The following HEATR5B variants were observed in gnomAD, a reference collection of about 807,000 sequenced individuals.
HEATR5B encodes HEAT repeat containing 5B.
Under a neutral mutation model 224.1 loss-of-function variants are expected in HEATR5B, and 156 were observed. The observed-to-expected ratio is 0.70, with a 90% CI of 0.61 to 0.80. The LOEUF (loss-of-function observed/expected upper bound fraction) is 0.80. Ranked by LOEUF, HEATR5B falls within the 30% of genes least tolerant of loss-of-function variation. HEATR5B has a pLI of 0.00. For synonymous variants in HEATR5B, 1,027 were observed against 893.0 expected (o/e 1.15, Z -2.68); for missense variants, 2,323 against 2,535.5 (o/e 0.92, Z 1.80).
chr2:37,061,836 A>G (rs1021086713), intron 11 of HEATR5B, 103 bp downstream of exon 11: 23 of 657,422 alleles, frequency 3.5e-5, no homozygotes, highest in Middle Eastern at 2.6e-4. Context: ...TACAACTTCA[A>G]TGAAAATCCA....
At chr2:36,998,999 G>A (rs1322128921) in intron 33 of HEATR5B, among the ~76,000 whole-genome samples, 10 of 152,164 alleles carry the variant, frequency 6.6e-5, no homozygotes, top group African/African-American at 9.7e-5. Flanking sequence ...AGGATCACGA[G>A]GTCAGGAGTT....
intron 5 of HEATR5B, among the ~76,000 whole-genome samples, chr2:37,074,765 A>C (rs1177868059): frequency 6.6e-6 from 1 of 152,262 alleles, no homozygotes; most frequent in Admixed American, 6.5e-5. Context: ...TTCGAAGAAG[A>C]TATGGATGGC....
intron 12 of HEATR5B, among the ~76,000 whole-genome samples, chr2:37,059,483 T>TTTTTTA (rs1671141765): frequency 7.2e-6 from 1 of 138,886 alleles, no homozygotes. Flanking sequence ...TTTTTTTTTT[T>TTTTTTA]GAGAGAGTCT....
Position 37,037,833 on chromosome 2 carries a change from AAT to A in HEATR5B, c.3216+20_3216+21del. ...ATAAAATACAACTTAAAAATCAATGAATGAAATAGCTCTATACTTACACAAAG... is the reference window on the plus strand; with the variant it reads ...ATAAAATACAACTTAAAAATCAATGAGAAATAGCTCTATACTTACACAAAG... On this transcript the variant is annotated intron_variant, in intron 21 of 35. Transcript: ENST00000233099. 1 of 1,438,592 alleles carries A rather than the reference AAT, an allele frequency of 7.0e-7. No individual in the cohort carries two copies. Among genetic ancestry groups the A allele is most frequent in the Admixed American group, 2.5e-5 (1 of 39,790 alleles). The allele number at this position is 1,438,592 out of a possible 1,614,324, so 89.1% of individuals were successfully genotyped here. A position where few individuals can be genotyped will look rare whatever the true frequency, so the allele number is the denominator to read the frequency against.
intron 21 of HEATR5B, among the ~76,000 whole-genome samples, chr2:37,037,609 CAAT>C (rs1669580362): frequency 6.6e-6 from 1 of 151,754 alleles, no homozygotes; most frequent in Non-Finnish European, 1.5e-5. Flanking sequence ...TGACTATAGT[CAAT>C]AATAATTTTA....
chr2:37,072,034 T>C (rs1187476964), intron 6 of HEATR5B, 76 bp downstream of exon 6: 11 of 1,166,198 alleles, frequency 9.4e-6, no homozygotes, highest in Non-Finnish European at 1.3e-5. Context: ...AAAATTTAAA[T>C]CCATTACACT....
intron 33 of HEATR5B, among the ~76,000 whole-genome samples, chr2:37,000,152 ACCGCAACCT>A (rs1260410379): frequency 6.6e-6 from 1 of 151,702 alleles, no homozygotes; most frequent in African/African-American, 2.4e-5. Flanking sequence ...ATCTTGGCTC[ACCGCAACCT>A]CCACCTCCCG....
At chr2:37,067,207 G>A (rs1020013624) in intron 8 of HEATR5B, among the ~76,000 whole-genome samples, 15 of 152,010 alleles carry the variant, frequency 9.9e-5, no homozygotes, top group Admixed American at 3.9e-4. Context: ...TTCTGGACTT[G>A]GAAATGCATA....
intron 11 of HEATR5B, 36 bp downstream of exon 11, chr2:37,061,903 T>G: frequency 8.0e-7 from 1 of 1,254,968 alleles, no homozygotes; most frequent in East Asian, 2.3e-5. Flanking sequence ...CTGACAGTTA[T>G]AGCGTGACAA....
chr2:37,073,297 A>G (rs1438445474), intron 5 of HEATR5B, among the ~76,000 whole-genome samples: 1 of 152,250 alleles, frequency 6.6e-6, no homozygotes, highest in East Asian at 1.9e-4. Flanking sequence ...TTAAAATTCT[A>G]AAACTAATCA....
chr2:36,985,744 C>T (rs61380056), intron 35 of HEATR5B, among the ~76,000 whole-genome samples: 31,348 of 150,394 alleles, frequency 0.21, 4,222 homozygotes, highest in East Asian at 0.64. Context: ...GCATTACAGG[C>T]GTGAGCCACC....
At chr2:37,051,860 C>T (rs1434798389) in intron 17 of HEATR5B, among the ~76,000 whole-genome samples, 1 of 152,140 alleles carries the variant, frequency 6.6e-6, no homozygotes, top group African/African-American at 2.4e-5. Flanking sequence ...CTGCCTCAGC[C>T]TCCCCAGTAG....
At chr2:37,076,778 G>A (rs550826278) in intron 4 of HEATR5B, 133 bp downstream of exon 4, 1 of 627,190 alleles carries the variant, frequency 1.6e-6, no homozygotes, top group African/African-American at 1.8e-5. Context: ...GAAGGGACAA[G>A]TAATAATTTG....
chr2:37,019,141 C>G (rs1029785661), intron 26 of HEATR5B, among the ~76,000 whole-genome samples: 1 of 151,100 alleles, frequency 6.6e-6, no homozygotes, highest in Non-Finnish European at 1.5e-5. Context: ...GCCTGGGTGA[C>G]AGAGTGAGAC....
chr2:37,025,425 G>C (rs1168059498), intron 24 of HEATR5B, among the ~76,000 whole-genome samples: 1 of 151,500 alleles, frequency 6.6e-6, no homozygotes, highest in Non-Finnish European at 1.5e-5. Flanking sequence ...TCAGAGAAAT[G>C]GCTAATCTCT....
At position 36,981,251 on chromosome 2, in the gene HEATR5B, G is replaced by A. The variant is rs1377217220; in HGVS notation, c.*239C>T. 7.8e-6 allele frequency: 3 copies of A among 382,962 alleles called. No individual in the cohort carries two copies. The highest frequency in any genetic ancestry group is 1.4e-5 in the Non-Finnish European group (3 of 216,872). 23.7% of individuals were successfully genotyped at this position (382,962 alleles called of 1,614,324 possible). ...GGCTCAGTGTTTGAAAAATAAATAAGTTAACAAAAGAGAAACATTATTAGG... is the reference window on the plus strand; with the variant it reads ...GGCTCAGTGTTTGAAAAATAAATAAATTAACAAAAGAGAAACATTATTAGG... On this transcript the variant is annotated 3_prime_UTR_variant, in exon 36 of 36. Transcript: ENST00000233099.
intron 12 of HEATR5B, 22 bp downstream of exon 12, chr2:37,060,559 G>C: frequency 6.3e-7 from 1 of 1,591,642 alleles, no homozygotes; most frequent in Non-Finnish European, 8.6e-7. Context: ...ATATTGTGAA[G>C]CACAATCCTT....
chr2:36,998,518 G>A lies in HEATR5B; in HGVS notation c.5545+2068C>T, dbSNP rs901091796. Among the ~76,000 whole-genome samples, 4 of 152,246 alleles carry A rather than the reference G, an allele frequency of 2.6e-5. No individual in the cohort carries two copies. The South Asian group carries it at 6.2e-4, about 24-fold the overall frequency. On this transcript the variant is annotated intron_variant, in intron 33 of 35. Coordinates refer to ENST00000233099, the MANE Select transcript of HEATR5B (RefSeq NM_019024.3). Reference sequence around the variant, plus strand: ...TCTGATGACATTGAAATGTACCATCGATTCTACTTCTAGGTGTACATCCTA... The same window carrying A: ...TCTGATGACATTGAAATGTACCATCAATTCTACTTCTAGGTGTACATCCTA...
chr2:37,040,593 ACATGG>A, intron 19 of HEATR5B, 75 bp from the exon 20 acceptor site: 25 of 1,010,672 alleles, frequency 2.5e-5, no homozygotes, highest in South Asian at 6.8e-5. Context: ...CTGAATTGTT[ACATGG>A]GTATACTCTT....
Sources: gnomAD v4.1 joint callset for allele counts (sites outside exome capture counted in the v4.1 genomes callset) on GRCh38, gnomAD v4.1.1 for gene constraint, MANE v1.5 for transcripts, NCBI Gene and HGNC (gene_info 2026-07-23, HGNC 2026-07-21) for gene names.